The following FAM114A2 variants were observed in gnomAD, a reference collection of about 807,000 sequenced individuals.
FAM114A2 encodes protein FAM114A2.
Under a neutral mutation model 58.4 loss-of-function variants are expected in FAM114A2, and 53 were observed. The ratio of observed to expected loss-of-function variants is 0.91; its 90% CI spans 0.73 to 1.14. The LOEUF (loss-of-function observed/expected upper bound fraction) is 1.14, where lower values mean the gene tolerates loss of function less well. Ranked by LOEUF, FAM114A2 falls within the 50% of genes most tolerant of loss-of-function variation. FAM114A2 has a pLI of 0.00. For missense variants in FAM114A2, 601 were observed against 581.1 expected, an observed-to-expected ratio of 1.03 and a Z score of -0.35; for synonymous variants, 228 against 211.4, an observed-to-expected ratio of 1.08 and a Z score of -0.68.
At chr5:154,001,682 A>G (rs763051922) in intron 11 of FAM114A2, among the ~76,000 whole-genome samples, 2 of 152,138 alleles carry the variant, frequency 1.3e-5, no homozygotes, top group Non-Finnish European at 2.9e-5. Context: ...ATGATTATCT[A>G]TACTATTTTT....
At chr5:154,033,418 A>T (rs565427939) in intron 4 of FAM114A2, among the ~76,000 whole-genome samples, 7 of 152,360 alleles carry the variant, frequency 4.6e-5, no homozygotes, top group Non-Finnish European at 8.8e-5. Context: ...ACAATACATT[A>T]AAATATTTTT....
intron 8 of FAM114A2, among the ~76,000 whole-genome samples, chr5:154,018,147 A>G (rs1303874515): frequency 6.6e-6 from 1 of 152,216 alleles, no homozygotes; most frequent in Non-Finnish European, 1.5e-5. Context: ...GAAAAGATAA[A>G]TAGAATTGAT....
chr5:154,000,953 T>A (rs1769930505), intron 11 of FAM114A2, among the ~76,000 whole-genome samples: 1 of 152,206 alleles, frequency 6.6e-6, no homozygotes, highest in Admixed American at 6.5e-5. Context: ...CCAGGCACCA[T>A]GCTAAGGGAT....
intron 8 of FAM114A2, among the ~76,000 whole-genome samples, chr5:154,017,760 A>G (rs1373545877): frequency 6.6e-6 from 1 of 152,222 alleles, no homozygotes; most frequent in Non-Finnish European, 1.5e-5. Flanking sequence ...TCACAGTGGA[A>G]TAAAACTAGA....
intron 9 of FAM114A2, 121 bp downstream of exon 9, chr5:154,011,120 A>C (rs1422660508): frequency 1.4e-6 from 1 of 709,340 alleles, no homozygotes; most frequent in South Asian, 2.0e-5. Flanking sequence ...AATTCTGGGT[A>C]TAACGAGAAT....
At chr5:153,998,886 T>C (rs1371457242) in intron 11 of FAM114A2, among the ~76,000 whole-genome samples, 2 of 152,164 alleles carry the variant, frequency 1.3e-5, no homozygotes, top group Non-Finnish European at 1.5e-5. Context: ...AGAGAAGCTA[T>C]AAAGTGCTTC....
chr5:154,025,145 T>G (rs1771693365), intron 8 of FAM114A2, among the ~76,000 whole-genome samples: 1 of 152,142 alleles, frequency 6.6e-6, no homozygotes, highest in Non-Finnish European at 1.5e-5. Context: ...ACAACTCAAA[T>G]AATGTAAGTG....
chr5:154,008,123 GAACA>G (rs1413818555), intron 9 of FAM114A2, among the ~76,000 whole-genome samples: 1 of 152,046 alleles, frequency 6.6e-6, no homozygotes, highest in Non-Finnish European at 1.5e-5. Context: ...GAGCGCTAAA[GAACA>G]AATATAGTAT....
At chr5:154,020,784 T>C (rs1771360967) in intron 8 of FAM114A2, among the ~76,000 whole-genome samples, 1 of 152,200 alleles carries the variant, frequency 6.6e-6, no homozygotes, top group Non-Finnish European at 1.5e-5. Context: ...GAATCCTCCC[T>C]AACTCATTTT....
chr5:154,003,267 C>T (rs1770125235), intron 9 of FAM114A2, among the ~76,000 whole-genome samples: 1 of 151,786 alleles, frequency 6.6e-6, no homozygotes, highest in African/African-American at 2.4e-5. Flanking sequence ...CAACCTCTGC[C>T]TCCTGGGTCC....
chr5:154,002,271 T>C lies in FAM114A2; in HGVS notation c.1236A>G (p.Glu412=), dbSNP rs1770026365. The change falls in exon 11 of 14, where the codon GAA becomes GAG. Residue 412 remains glutamate, a synonymous_variant. Coordinates refer to ENST00000351797, the MANE Select transcript of FAM114A2 (RefSeq NM_018691.4). ...CTTACTGGGAAAGAGTTTGGCTCCT[T>C]TCTATGGCTGTCACTTCCTGCTTCC... is the stretch of plus-strand genomic sequence containing the variant. ...HGRKQEVTAI[E]RSQTLSQMTI... is the part of the protein sequence containing the mutation. 3 of 1,613,984 alleles carry C rather than the reference T, an allele frequency of 1.9e-6. No individual in the cohort carries two copies. The highest frequency in any genetic ancestry group is 1.7e-6 in the Non-Finnish European group (2 of 1,179,860).
intron 8 of FAM114A2, among the ~76,000 whole-genome samples, chr5:154,023,299 AAAAAAG>A (rs1561566230): frequency 6.6e-6 from 1 of 152,302 alleles, no homozygotes; most frequent in African/African-American, 2.4e-5. Context: ...AAAATAATTT[AAAAAAG>A]AAAAAGATAC....
chr5:154,018,076 C>T (rs1771159284), intron 8 of FAM114A2, among the ~76,000 whole-genome samples: 1 of 152,018 alleles, frequency 6.6e-6, no homozygotes, highest in Non-Finnish European at 1.5e-5. Context: ...CAGAACAGAA[C>T]TAAATGAAGT....
rs1201298856 is a variant in FAM114A2, at chr5:154,011,277, C to A, written c.957G>T (p.Gln319His). The A allele has an allele frequency of 6.2e-7, 1 of 1,612,260 alleles. No homozygotes were observed. The highest frequency in any genetic ancestry group is 1.7e-5 in the Admixed American group (1 of 59,756). Residue 319 changes from glutamine (Q) to histidine (H), a missense_variant, in exon 9 of 14, where the codon CAG becomes CAT. Gln to His is a conservative substitution (Grantham distance 24). Coordinates refer to ENST00000351797, the MANE Select transcript of FAM114A2 (RefSeq NM_018691.4). ...FTKDITELFS[Q>H]LHVSSKPEKL... ...TCTCTGGTTTGGAGGAAACGTGCAGCTGGGAAAACAGCTCTGTTATGTCCT... is the reference window on the plus strand; with the variant it reads ...TCTCTGGTTTGGAGGAAACGTGCAGATGGGAAAACAGCTCTGTTATGTCCT...
intron 8 of FAM114A2, among the ~76,000 whole-genome samples, chr5:154,017,747 A>G (rs970941684): frequency 6.6e-6 from 1 of 152,222 alleles, no homozygotes; most frequent in African/African-American, 2.4e-5. Context: ...GCACTCTCTC[A>G]GATCACAGTG....
In FAM114A2 at chr5:154,029,508, G is replaced by A; in HGVS notation, c.476C>T (p.Ser159Phe). ...AGAFGVFSTI[S>F]TAVQSTGKSV... ...ACTTACTGTGCTCTGAACAGCAGTA[G>A]AGATGGTAGAGAATACACCAAATGC... The change falls in exon 5 of 14, where the codon TCT becomes TTT. Residue 159 changes from serine (S) to phenylalanine (F), a missense_variant. Physicochemically the swap from Ser to Phe is radical, Grantham distance 155. Transcript: ENST00000351797. The A allele has an allele frequency of 6.2e-7, 1 of 1,605,684 alleles. No homozygotes were observed. The highest frequency in any genetic ancestry group is 2.2e-5 in the East Asian group (1 of 44,778).
In FAM114A2 at chr5:153,994,968, T is replaced by C. The variant is rs765377846; in HGVS notation, c.1334A>G (p.Lys445Arg). The C allele has an allele frequency of 2.2e-5, 36 of 1,606,812 alleles. No individual in the cohort carries two copies. Among genetic ancestry groups the C allele is most frequent in the Admixed American group, 3.3e-5 (2 of 59,980 alleles). ...FTTCLTTAGV[K>R]EMADVLNPLI... ...TGGGTTAAGGACATCTGCCATTTCT[T>C]TGACCTGGAATAACGAATACATTTT... is the stretch of plus-strand genomic sequence containing the variant. The change falls in exon 13 of 14, where the codon AAA becomes AGA. Residue 445 changes from lysine (K) to arginine (R), a missense_variant. Lys to Arg is a conservative substitution (Grantham distance 26). Transcript: ENST00000351797.
In FAM114A2 at chr5:154,033,831, A is replaced by AG. The variant is rs1391829385; in HGVS notation, c.362dup (p.Gly122TrpfsTer4). The AG allele has an allele frequency of 6.2e-7, 1 of 1,609,198 alleles. No individual in the cohort carries two copies. On this transcript the variant is annotated frameshift_variant, in exon 4 of 14. Coordinates refer to ENST00000351797, the MANE Select transcript of FAM114A2 (RefSeq NM_018691.4). LOFTEE classifies it high-confidence loss of function. Reference sequence around the variant, plus strand: ...CTTCAGTTGAAATTTCACTGGGACCAGGGATTCCAAGGGAAGTCTCTGCCT... The same window carrying AG: ...CTTCAGTTGAAATTTCACTGGGACCAGGGGATTCCAAGGGAAGTCTCTGCCT...
chr5:154,031,485 T>C (rs1029534172), intron 4 of FAM114A2, among the ~76,000 whole-genome samples: 3 of 152,084 alleles, frequency 2.0e-5, no homozygotes, highest in African/African-American at 7.2e-5. Context: ...TCTGAAAATA[T>C]ACATGTTGAC....
Sources: allele counts gnomAD v4.1 joint callset (sites outside exome capture counted in the v4.1 genomes callset), GRCh38; gene constraint gnomAD v4.1.1; transcripts MANE v1.5; gene names NCBI Gene and HGNC (gene_info 2026-07-23, HGNC 2026-07-21).